Variants in IQCM observed in about 807,000 individuals in gnomAD.
IQCM encodes the protein IQ domain-containing protein M.
Under a neutral mutation model 57.6 loss-of-function variants are expected in IQCM, and 45 were observed. The ratio of observed to expected loss-of-function variants is 0.78; its 90% CI spans 0.62 to 1.00. The LOEUF (loss-of-function observed/expected upper bound fraction) is 1.00, where lower values mean the gene tolerates loss of function less well. Ranked by LOEUF, IQCM falls within the 50% of genes least tolerant of loss-of-function variation. IQCM has a pLI of 0.00. For missense variants in IQCM, 468 were observed against 511.6 expected (o/e 0.91, Z 0.82); for synonymous variants, 148 against 158.9 (o/e 0.93, Z 0.51).
At chr4:149,610,688 C>T (rs1173695191) in intron 8 of IQCM, among the ~76,000 whole-genome samples, 1 of 151,886 alleles carries the variant, frequency 6.6e-6, no homozygotes, top group Non-Finnish European at 1.5e-5. Flanking sequence ...GAAACTAGAC[C>T]CCTATATCTC....
intron 2 of IQCM, among the ~76,000 whole-genome samples, chr4:149,794,443 C>T (rs1205432702): frequency 6.6e-6 from 1 of 152,168 alleles, no homozygotes; most frequent in East Asian, 1.9e-4. Flanking sequence ...AATGTGTTCA[C>T]CCAAGTATAT....
In IQCM at chr4:149,509,716, T is replaced by C. The variant is rs140123226; in HGVS notation, c.1228+38739A>G. 3.7e-3 allele frequency among the ~76,000 whole-genome samples: 556 copies of C among 152,244 alleles called. 5 individuals carry two copies. The highest frequency in any genetic ancestry group is 0.016 in the South Asian group (75 of 4,828). ...TCGAGACTTCCACTTTCACTGTGTATATAAATATATATCATTAAATTTATA... is the reference window on the plus strand; with the variant it reads ...TCGAGACTTCCACTTTCACTGTGTACATAAATATATATCATTAAATTTATA... On this transcript the variant is annotated intron_variant, in intron 12 of 13. Transcript: ENST00000636793.
chr4:149,426,865 T>C (rs943627646), intron 13 of IQCM, among the ~76,000 whole-genome samples: 1 of 151,758 alleles, frequency 6.6e-6, no homozygotes, highest in Non-Finnish European at 1.5e-5. Flanking sequence ...TGAAGAAAAA[T>C]ACACACAAGC....
At chr4:149,406,620 A>C (rs1303741766) in intron 13 of IQCM, among the ~76,000 whole-genome samples, 4 of 152,164 alleles carry the variant, frequency 2.6e-5, no homozygotes, top group Admixed American at 2.6e-4. Flanking sequence ...ACATGTCTTT[A>C]AGCCAAAGCA....
chr4:149,382,501 T>G (rs942929264), intron 13 of IQCM, among the ~76,000 whole-genome samples: 9 of 152,132 alleles, frequency 5.9e-5, no homozygotes, highest in African/African-American at 2.2e-4. Flanking sequence ...GGGTCTTAGT[T>G]TTAATATGAC....
intron 2 of IQCM, among the ~76,000 whole-genome samples, chr4:149,760,659 C>A (rs2149961531): frequency 6.6e-6 from 1 of 151,696 alleles, no homozygotes; most frequent in South Asian, 2.1e-4. Flanking sequence ...TACCAATGAA[C>A]TCAGTGTTAT....
intron 12 of IQCM, among the ~76,000 whole-genome samples, chr4:149,508,602 C>T (rs1375181620): frequency 6.6e-6 from 1 of 152,170 alleles, no homozygotes; most frequent in Admixed American, 6.5e-5. Flanking sequence ...ATGCCTGTAC[C>T]CGTATGTGGG....
chr4:149,563,826 T>C lies in IQCM; in HGVS notation c.814A>G (p.Ile272Val). The stretch of plus-strand genomic sequence containing the variant: ...TCTCGGAACACTTGGAAGATTTCTA[T>C]GTGTGGTCCAATTCTTTTAACTTTA... ...DSKVKRIGPH[I>V]EIFQVFRERK... Residue 272 changes from isoleucine (I) to valine (V), a missense_variant, in exon 10 of 14, where the codon ATA becomes GTA. Transcript: ENST00000636793. 1.6e-6 allele frequency: 2 copies of C among 1,231,564 alleles called. No individual in the cohort carries two copies. Among genetic ancestry groups the C allele is most frequent in the Non-Finnish European group, 2.0e-6 (2 of 987,482 alleles). 76.3% of individuals were successfully genotyped at this position (1,231,564 alleles called of 1,614,324 possible).
At chr4:149,662,428 C>G (rs1760305886) in intron 7 of IQCM, among the ~76,000 whole-genome samples, 1 of 151,888 alleles carries the variant, frequency 6.6e-6, no homozygotes, top group South Asian at 2.1e-4. Context: ...TCTTTTAGGT[C>G]CATTTGGTCT....
chr4:149,446,179 T>A (rs1315876272), intron 12 of IQCM, among the ~76,000 whole-genome samples: 5 of 151,706 alleles, frequency 3.3e-5, no homozygotes, highest in Admixed American at 6.6e-5. Flanking sequence ...CTTTTATTAG[T>A]TGTCCTGAGA....
At chr4:149,784,484 A>C (rs1284528234) in intron 2 of IQCM, among the ~76,000 whole-genome samples, 2 of 152,226 alleles carry the variant, frequency 1.3e-5, no homozygotes, top group East Asian at 3.9e-4. Context: ...GGCGCCATCT[A>C]GGCTCACTGC....
chr4:149,635,530 T>C (rs1381760207), intron 7 of IQCM, among the ~76,000 whole-genome samples: 3 of 152,248 alleles, frequency 2.0e-5, no homozygotes, highest in South Asian at 2.1e-4. Context: ...TAAAGTATTA[T>C]GAATGTTAAG....
intron 2 of IQCM, among the ~76,000 whole-genome samples, chr4:149,814,280 T>C (rs1774850879): frequency 6.6e-6 from 1 of 152,036 alleles, no homozygotes; most frequent in Non-Finnish European, 1.5e-5. Context: ...ATAATTTCAC[T>C]CTAAATGATA....
At chr4:149,468,131 C>G (rs1223420679) in intron 12 of IQCM, among the ~76,000 whole-genome samples, 5 of 152,144 alleles carry the variant, frequency 3.3e-5, no homozygotes, top group Non-Finnish European at 7.3e-5. Flanking sequence ...GTTCAACTCA[C>G]TGGGGCTTGT....
chr4:149,676,489 A>G (rs1047195751), intron 7 of IQCM, among the ~76,000 whole-genome samples: 7 of 152,084 alleles, frequency 4.6e-5, no homozygotes, highest in African/African-American at 1.7e-4. Flanking sequence ...GAGGTACACT[A>G]TGCACTTGAC....
At chr4:149,619,659 T>C (rs777891250) in intron 8 of IQCM, among the ~76,000 whole-genome samples, 11 of 152,198 alleles carry the variant, frequency 7.2e-5, no homozygotes, top group Non-Finnish European at 1.3e-4. Flanking sequence ...AACAGGTAGA[T>C]AAAAGAATTT....
chr4:149,738,320 C>T (rs1009721006), intron 3 of IQCM, among the ~76,000 whole-genome samples: 1 of 152,212 alleles, frequency 6.6e-6, no homozygotes, highest in Non-Finnish European at 1.5e-5. Context: ...CATTTTAAGC[C>T]AGCAATCCTG....
At chr4:149,573,669 T>C (rs2134665) in intron 9 of IQCM, among the ~76,000 whole-genome samples, 114,703 of 151,448 alleles carry the variant, frequency 0.76, 43,909 homozygotes, top group South Asian at 0.9. Context: ...GAGGCAGTGA[T>C]GTGCACCTGT....
At chr4:149,704,217 T>C (rs776174776) in intron 5 of IQCM, among the ~76,000 whole-genome samples, 2 of 151,924 alleles carry the variant, frequency 1.3e-5, no homozygotes, top group Non-Finnish European at 2.9e-5. Flanking sequence ...ATACACACTG[T>C]ATTCAGAAGA....
Sources: gnomAD v4.1 joint callset for allele counts (sites outside exome capture counted in the v4.1 genomes callset) on GRCh38, gnomAD v4.1.1 for gene constraint, MANE v1.5 for transcripts, NCBI Gene and HGNC (gene_info 2026-07-23, HGNC 2026-07-21) for gene names.